The following CRPPA variants were observed in gnomAD, a reference collection of about 807,000 sequenced individuals.
CRPPA encodes the protein D-ribitol-5-phosphate cytidylyltransferase.
Under a neutral mutation model 52.0 loss-of-function variants are expected in CRPPA, and 43 were observed. The ratio of observed to expected loss-of-function variants is 0.83; its 90% CI spans 0.65 to 1.07. The LOEUF is 1.07. CRPPA is among the 50% of genes least tolerant of loss of function. CRPPA has a pLI of 0.00. For synonymous variants in CRPPA, 250 were observed against 203.5 expected (o/e 1.23, Z -1.94); for missense variants, 629 against 551.7 (o/e 1.14, Z -1.40).
At chr7:16,409,010 T>C (rs1252764635) in intron 1 of CRPPA, among the ~76,000 whole-genome samples, 2 of 152,188 alleles carry the variant, frequency 1.3e-5, no homozygotes, top group African/African-American at 2.4e-5. Flanking sequence ...CAAGCAATTC[T>C]CCTGCCTCAG....
intron 5 of CRPPA, among the ~76,000 whole-genome samples, chr7:16,291,798 T>G (rs998502633): frequency 2.0e-5 from 3 of 151,954 alleles, no homozygotes; most frequent in Non-Finnish European, 4.4e-5. Flanking sequence ...TACCCTGATT[T>G]GATTACACAT....
chr7:16,142,080 G>T (rs548700518), intron 9 of CRPPA, among the ~76,000 whole-genome samples: 2 of 152,098 alleles, frequency 1.3e-5, no homozygotes, highest in Admixed American at 1.3e-4. Context: ...GGCATAGCTA[G>T]CTCCACAAGT....
chr7:16,292,593 A>G (rs1784587028), intron 5 of CRPPA, among the ~76,000 whole-genome samples: 1 of 151,892 alleles, frequency 6.6e-6, no homozygotes, highest in Admixed American at 6.6e-5. Context: ...CTCCTTTTAA[A>G]TTTTCTCAAA....
intron 3 of CRPPA, among the ~76,000 whole-genome samples, chr7:16,324,548 A>G (rs1026041069): frequency 1.3e-5 from 2 of 152,132 alleles, no homozygotes; most frequent in African/African-American, 4.8e-5. Flanking sequence ...ATGCAGTTAG[A>G]CCTCAGCAAC....
chr7:16,258,297 T>C, intron 8 of CRPPA, 93 bp downstream of exon 8: 3 of 733,266 alleles, frequency 4.1e-6, no homozygotes, highest in East Asian at 5.6e-5. Flanking sequence ...TATGGGTCAA[T>C]GCTCTCAATT....
At chr7:16,326,947 C>T (rs1041779390) in intron 3 of CRPPA, among the ~76,000 whole-genome samples, 7 of 152,134 alleles carry the variant, frequency 4.6e-5, no homozygotes, top group Non-Finnish European at 8.8e-5. Flanking sequence ...CCTTTTCTGG[C>T]TGTCCTGATG....
chr7:16,383,427 T>A (rs1363032766), intron 2 of CRPPA, among the ~76,000 whole-genome samples: 1 of 152,204 alleles, frequency 6.6e-6, no homozygotes, highest in Non-Finnish European at 1.5e-5. Flanking sequence ...CCAGTTAGGC[T>A]GCTTGGGGGT....
At chr7:16,389,443 C>G (rs748258498) in intron 2 of CRPPA, among the ~76,000 whole-genome samples, 1 of 150,960 alleles carries the variant, frequency 6.6e-6, no homozygotes, top group Non-Finnish European at 1.5e-5. Flanking sequence ...AATACCAGAT[C>G]GGTTCAACAT....
intron 9 of CRPPA, among the ~76,000 whole-genome samples, chr7:16,184,298 T>C (rs186415476): frequency 3.3e-5 from 5 of 152,260 alleles, no homozygotes; most frequent in Admixed American, 1.3e-4. Flanking sequence ...AATCCATTTT[T>C]TCAGTAAATT....
At position 16,089,812 on chromosome 7, in the gene CRPPA, G is replaced by A. The variant is rs1159153496; in HGVS notation, c.*1883C>T. On this transcript the variant is annotated 3_prime_UTR_variant, in exon 10 of 10. Transcript: ENST00000407010. ...TCTTGTCTGCTGTAGGATTCCTTAA[G>A]CTGAAGTCTATGTTAACTCAGCCAG... The A allele has an allele frequency of 1.2e-5, 2 of 171,608 alleles. No individual in the cohort carries two copies. The highest frequency in any genetic ancestry group is 2.6e-5 in the Non-Finnish European group (2 of 78,146). 10.6% of individuals were successfully genotyped at this position (171,608 alleles called of 1,614,324 possible). A position where few individuals can be genotyped will look rare whatever the true frequency, so the allele number is the denominator to read the frequency against.
chr7:16,396,980 ATG>A (rs1323766777), intron 2 of CRPPA, among the ~76,000 whole-genome samples: 3 of 152,252 alleles, frequency 2.0e-5, no homozygotes, highest in Non-Finnish European at 4.4e-5. Flanking sequence ...CACTGGTGAC[ATG>A]TGTGACATGA....
chr7:16,099,357 A>G (rs1302474339), intron 9 of CRPPA, among the ~76,000 whole-genome samples: 1 of 130,034 alleles, frequency 7.7e-6, no homozygotes, highest in African/African-American at 2.8e-5. Flanking sequence ...AGGGGAGGGA[A>G]GGGGAGTGTA....
intron 3 of CRPPA, among the ~76,000 whole-genome samples, chr7:16,369,569 T>C (rs868347866): frequency 6.6e-6 from 1 of 152,230 alleles, no homozygotes; most frequent in Middle Eastern, 3.4e-3. Flanking sequence ...TCACCTGCCC[T>C]CACAGAACTG....
At chr7:16,206,593 A>G (rs1213438290) in intron 9 of CRPPA, among the ~76,000 whole-genome samples, 1 of 152,060 alleles carries the variant, frequency 6.6e-6, no homozygotes, top group Non-Finnish European at 1.5e-5. Context: ...ACATAGTAAA[A>G]ATTAAATGAT....
At chr7:16,407,564 T>C (rs988826812) in intron 1 of CRPPA, among the ~76,000 whole-genome samples, 2 of 152,170 alleles carry the variant, frequency 1.3e-5, no homozygotes, top group African/African-American at 4.8e-5. Context: ...TTTTTAAAGA[T>C]ATGGAAGGGC....
chr7:16,305,951 T>C (rs940421372), intron 4 of CRPPA, among the ~76,000 whole-genome samples: 14 of 152,296 alleles, frequency 9.2e-5, no homozygotes, highest in African/African-American at 3.4e-4. Context: ...AAGATACAAG[T>C]AGGACCCTCT....
intron 9 of CRPPA, 119 bp downstream of exon 9, chr7:16,215,947 G>C (rs1033762118): frequency 3.8e-5 from 30 of 790,230 alleles, no homozygotes; most frequent in Non-Finnish European, 5.1e-5. Context: ...ACATAGATGA[G>C]TAACTTTCCA....
At chr7:16,314,673 T>C (rs1027358934) in intron 3 of CRPPA, among the ~76,000 whole-genome samples, 10 of 152,080 alleles carry the variant, frequency 6.6e-5, no homozygotes, top group South Asian at 4.1e-4. Context: ...ATAATTTTGC[T>C]GGGAACAGAA....
intron 9 of CRPPA, among the ~76,000 whole-genome samples, chr7:16,188,770 T>C (rs906661982): frequency 1.3e-5 from 2 of 152,224 alleles, no homozygotes; most frequent in African/African-American, 4.8e-5. Context: ...TTTACTTTTA[T>C]GTGGCTTTCA....
Sources: allele counts gnomAD v4.1 joint callset (sites outside exome capture counted in the v4.1 genomes callset), GRCh38; gene constraint gnomAD v4.1.1; transcripts MANE v1.5; gene names NCBI Gene and HGNC (gene_info 2026-07-23, HGNC 2026-07-21).